The following GALNT17 variants were observed in gnomAD, a reference collection of about 807,000 sequenced individuals.
GALNT17 encodes the protein UDP-GalNAc:polypeptide N-acetylgalactosaminyltransferase-like 3.
In GALNT17, 29 loss-of-function variants were observed where a neutral mutation model predicts 63.7. The ratio of observed to expected loss-of-function variants is 0.46; its 90% CI spans 0.34 to 0.62. The LOEUF is 0.62. GALNT17 is among the 20% of genes least tolerant of loss of function. GALNT17 has a pLI of 0.01. For synonymous variants in GALNT17, 305 were observed against 318.3 expected (o/e 0.96, Z 0.45); for missense variants, 603 against 799.6 (o/e 0.75, Z 2.97).
intron 1 of GALNT17, among the ~76,000 whole-genome samples, chr7:71,291,426 G>A (rs1024984834): frequency 6.6e-6 from 1 of 152,148 alleles, no homozygotes; most frequent in Non-Finnish European, 1.5e-5. Flanking sequence ...GTTGTGATTA[G>A]AATCCAATTC....
intron 1 of GALNT17, among the ~76,000 whole-genome samples, chr7:71,227,247 G>C (rs7802241): frequency 0.54 from 80,650 of 149,102 alleles, 22,904 homozygotes; most frequent in African/African-American, 0.7. Flanking sequence ...GCCAGTAGTC[G>C]CAGCTACTTG....
intron 5 of GALNT17, among the ~76,000 whole-genome samples, chr7:71,559,102 C>T (rs1789211645): frequency 6.6e-6 from 1 of 152,126 alleles, no homozygotes; most frequent in Non-Finnish European, 1.5e-5. Context: ...GCCTTTGGGT[C>T]CTATTTTCTT....
At chr7:71,604,950 G>T (rs1294197386) in intron 6 of GALNT17, among the ~76,000 whole-genome samples, 2 of 152,140 alleles carry the variant, frequency 1.3e-5, no homozygotes, top group African/African-American at 4.8e-5. Flanking sequence ...TAGGACAAGG[G>T]TGTGTCCTAT....
chr7:71,165,290 G>T (rs1350536042), intron 1 of GALNT17, among the ~76,000 whole-genome samples: 1 of 152,172 alleles, frequency 6.6e-6, no homozygotes, highest in Non-Finnish European at 1.5e-5. Flanking sequence ...TTCTGGCACT[G>T]CTACTTAGTT....
chr7:71,132,549 C>G lies in GALNT17; in HGVS notation c.-254C>G, dbSNP rs1459939326. ...GAGACGCCTGGACGGGGCCGTGCGC[C>G]GTGGACTGAGCAGGCGTCTCGGGGA... On this transcript the variant is annotated 5_prime_UTR_variant, in exon 1 of 11. Transcript: ENST00000333538. 1 of 497,420 alleles carries G rather than the reference C, an allele frequency of 2.0e-6. No homozygotes were observed. The highest frequency in any genetic ancestry group is 3.9e-5 in the Admixed American group (1 of 25,832). The allele number at this position is 497,420 out of a possible 1,614,324, so 30.8% of individuals were successfully genotyped here. A position where few individuals can be genotyped will look rare whatever the true frequency, so the allele number is the denominator to read the frequency against.
intron 5 of GALNT17, among the ~76,000 whole-genome samples, chr7:71,437,271 A>G (rs1268600470): frequency 6.6e-6 from 1 of 152,198 alleles, no homozygotes; most frequent in African/African-American, 2.4e-5. Flanking sequence ...CCTTCAGCCA[A>G]ACTACCTAAA....
At chr7:71,669,933 C>G (rs767124424) in intron 7 of GALNT17, 39 bp from the exon 8 acceptor site, 1 of 1,611,438 alleles carries the variant, frequency 6.2e-7, no homozygotes, top group Non-Finnish European at 8.5e-7. Context: ...GCCAGAGCTC[C>G]ACAGTCACTA....
At chr7:71,191,045 T>C (rs1054897668) in intron 1 of GALNT17, among the ~76,000 whole-genome samples, 1 of 152,206 alleles carries the variant, frequency 6.6e-6, no homozygotes, top group Non-Finnish European at 1.5e-5. Context: ...TTTCATTTTT[T>C]GGGGGTTTTA....
rs186799186 is a variant in GALNT17, at chr7:71,537,996, C to T, written c.963-33289C>T. Among the ~76,000 whole-genome samples, 5 of 152,186 alleles carry T rather than the reference C, an allele frequency of 3.3e-5. No individual in the cohort carries two copies. In the East Asian group the frequency reaches 9.7e-4, roughly 29 times the overall value. On this transcript the variant is annotated intron_variant, in intron 5 of 10. Transcript: ENST00000333538. ...CCTGGAGCCCATGGAGGAAGGACAG[C>T]CTGCCTACGCCTTGATTTTGGACTT...
rs114513641 is a variant in GALNT17 at position 71,371,093 on chromosome 7, G to A, written c.423-17142G>A. The stretch of plus-strand genomic sequence containing the variant: ...GTGATTTCATTTTTGATTCAGAACT[G>A]TTGCTGACTGTGGCATCAGTGGGCA... On this transcript the variant is annotated intron_variant, in intron 2 of 10. Transcript: ENST00000333538. Among the ~76,000 whole-genome samples, 733 of 152,230 alleles carry A rather than the reference G, an allele frequency of 4.8e-3. 7 individuals are homozygous for A. Among genetic ancestry groups the A allele is most frequent in the African/African-American group, 0.017 (695 of 41,568 alleles).
intron 7 of GALNT17, among the ~76,000 whole-genome samples, chr7:71,666,737 A>G (rs1047723159): frequency 4.6e-5 from 7 of 152,238 alleles, no homozygotes; most frequent in African/African-American, 1.7e-4. Flanking sequence ...TTATGGCTGA[A>G]TCATCTCTAG....
chr7:71,578,989 T>A (rs889830029), intron 6 of GALNT17, among the ~76,000 whole-genome samples: 1 of 152,188 alleles, frequency 6.6e-6, no homozygotes, highest in African/African-American at 2.4e-5. Context: ...CATTGAATAA[T>A]GTAATTTGCA....
At chr7:71,376,099 A>AGGAAAG (rs1264305323) in intron 2 of GALNT17, among the ~76,000 whole-genome samples, 9 of 151,212 alleles carry the variant, frequency 6.0e-5, no homozygotes, top group Non-Finnish European at 1.3e-4. Context: ...AAAAAGAAAA[A>AGGAAAG]GAAAAAAAAG....
chr7:71,526,116 A>G (rs747826644), intron 5 of GALNT17, among the ~76,000 whole-genome samples: 2 of 152,148 alleles, frequency 1.3e-5, no homozygotes, highest in African/African-American at 2.4e-5. Flanking sequence ...TAACTGTTAG[A>G]GATTTTTAGT....
At chr7:71,666,782 A>C (rs1790991843) in intron 7 of GALNT17, among the ~76,000 whole-genome samples, 1 of 144,338 alleles carries the variant, frequency 6.9e-6, no homozygotes, top group African/African-American at 2.6e-5. Flanking sequence ...AATGCTGTGT[A>C]AATAATTCTT....
intron 1 of GALNT17, among the ~76,000 whole-genome samples, chr7:71,198,541 C>T (rs2116359080): frequency 6.6e-6 from 1 of 152,338 alleles, no homozygotes; most frequent in South Asian, 2.1e-4. Flanking sequence ...GACAGCTAAC[C>T]TGGACTACCA....
chr7:71,663,252 G>A (rs989582778), intron 6 of GALNT17, among the ~76,000 whole-genome samples: 3 of 152,128 alleles, frequency 2.0e-5, no homozygotes, highest in African/African-American at 7.2e-5. Flanking sequence ...TTTTTATAGG[G>A]ATTGTGTTGA....
chr7:71,563,880 A>G (rs1227360859), intron 5 of GALNT17, among the ~76,000 whole-genome samples: 1 of 151,926 alleles, frequency 6.6e-6, no homozygotes, highest in Non-Finnish European at 1.5e-5. Flanking sequence ...TACTTGGCTA[A>G]TTTTTTAATT....
At chr7:71,432,317 C>T (rs1786881715) in intron 5 of GALNT17, among the ~76,000 whole-genome samples, 1 of 152,144 alleles carries the variant, frequency 6.6e-6, no homozygotes, top group African/African-American at 2.4e-5. Flanking sequence ...CAAGTCCTGC[C>T]AATCAGGAAG....
Sources: allele counts gnomAD v4.1 joint callset (sites outside exome capture counted in the v4.1 genomes callset), GRCh38; gene constraint gnomAD v4.1.1; transcripts MANE v1.5; gene names NCBI Gene and HGNC (gene_info 2026-07-23, HGNC 2026-07-21).